LRRC4C: variants seen among roughly 807,000 people sequenced by gnomAD.
LRRC4C encodes the protein leucine-rich repeat-containing protein 4C.
A neutral mutation model predicts 33.6 loss-of-function variants in LRRC4C; 5 were observed. The ratio of observed to expected loss-of-function variants is 0.15; its 90% CI spans 0.08 to 0.31. LRRC4C has a LOEUF of 0.31. Ranked by LOEUF, LRRC4C falls within the 10% of genes least tolerant of loss-of-function variation. The probability of loss-of-function intolerance (pLI) is 1.00; values close to 1 mark genes in which losing one functional copy is unlikely to be tolerated. For synonymous variants in LRRC4C, 329 were observed against 302.0 expected (o/e 1.09, Z -0.93); for missense variants, 560 against 796.7 (o/e 0.70, Z 3.58).
At chr11:41,258,819 C>T (rs1174797018) in intron 1 of LRRC4C, among the ~76,000 whole-genome samples, 4 of 151,954 alleles carry the variant, frequency 2.6e-5, no homozygotes, top group African/African-American at 9.7e-5. Context: ...AATTAGGATG[C>T]CCTGATATTA....
Position 40,463,630 on chromosome 11 carries a change from G to C in LRRC4C, c.-269-143909C>G, listed in dbSNP as rs183752808. ...ATTTTGGCAATTCTTTTCAAGAATA[G>C]TCTTTCAAAATATTCTAACATATGC... On this transcript the variant is annotated intron_variant, in intron 3 of 6. Transcript: ENST00000528697. 1.2e-3 allele frequency among the ~76,000 whole-genome samples: 186 copies of C among 152,116 alleles called. 1 individual carries two copies. The highest frequency in any genetic ancestry group is 4.4e-3 in the African/African-American group (181 of 41,556).
At chr11:41,224,668 T>G (rs1191130914) in intron 1 of LRRC4C, among the ~76,000 whole-genome samples, 1 of 152,224 alleles carries the variant, frequency 6.6e-6, no homozygotes, top group East Asian at 1.9e-4. Flanking sequence ...GGAAATACTG[T>G]ATTCAATCTT....
intron 3 of LRRC4C, among the ~76,000 whole-genome samples, chr11:40,573,107 C>T (rs1958048818): frequency 6.6e-6 from 1 of 152,088 alleles, no homozygotes; most frequent in East Asian, 1.9e-4. Context: ...ATTGGAGATT[C>T]AGGAGAATAG....
rs529691573 is a variant in LRRC4C, at chr11:40,397,372, G to A, written c.-269-77651C>T. On this transcript the variant is annotated intron_variant, in intron 3 of 6. Transcript: ENST00000528697. ...GGCAGTCATCCTAGACATCAATTTT[G>A]AAGTTAAGTAAAAGCAAAGAAAGTG... 8.6e-4 allele frequency among the ~76,000 whole-genome samples: 131 copies of A among 152,064 alleles called. 1 individual carries two copies. Among genetic ancestry groups the A allele is most frequent in the Non-Finnish European group, 1.7e-3 (117 of 67,958 alleles).
At chr11:41,207,224 G>A (rs7122101) in intron 1 of LRRC4C, among the ~76,000 whole-genome samples, 16,532 of 152,004 alleles carry the variant, frequency 0.11, 994 homozygotes, top group East Asian at 0.19. Flanking sequence ...TTAAAAAGTT[G>A]ATATGCCCTG....
At chr11:40,257,711 C>T (rs534505611) in intron 4 of LRRC4C, among the ~76,000 whole-genome samples, 1 of 152,140 alleles carries the variant, frequency 6.6e-6, no homozygotes, top group Non-Finnish European at 1.5e-5. Context: ...GAGATAAACT[C>T]TTTTTACTTG....
Position 41,341,218 on chromosome 11 carries a change from T to G in LRRC4C, c.-496+118213A>C, listed in dbSNP as rs192057456. On this transcript the variant is annotated intron_variant, in intron 1 of 6. Transcript: ENST00000528697. ...CCAGAGAAAAAGACTGATAGCTCTC[T>G]TTAGTGAACTTAGAATGACCTAGTT... 1.9e-3 allele frequency among the ~76,000 whole-genome samples: 295 copies of G among 152,280 alleles called. 4 individuals are homozygous for G. Among genetic ancestry groups the G allele is most frequent in the Non-Finnish European group, 4.3e-4 (29 of 68,020 alleles).
chr11:41,035,366 T>G (rs1342155022), intron 1 of LRRC4C, among the ~76,000 whole-genome samples: 12 of 152,062 alleles, frequency 7.9e-5, no homozygotes, highest in Non-Finnish European at 1.6e-4. Context: ...CCTAATGCTC[T>G]CTCTCCCCCT....
chr11:41,057,772 G>T (rs1345743023), intron 1 of LRRC4C, among the ~76,000 whole-genome samples: 2 of 152,152 alleles, frequency 1.3e-5, no homozygotes, highest in Admixed American at 6.5e-5. Context: ...TCTCCTCTCT[G>T]CTGAGTGCTG....
chr11:41,152,273 G>A (rs1251147592), intron 1 of LRRC4C, among the ~76,000 whole-genome samples: 1 of 152,216 alleles, frequency 6.6e-6, no homozygotes, highest in African/African-American at 2.4e-5. Flanking sequence ...GATGCTCACA[G>A]AAGTAAGCTG....
At chr11:40,792,023 C>A (rs1389605675) in intron 2 of LRRC4C, among the ~76,000 whole-genome samples, 1 of 151,972 alleles carries the variant, frequency 6.6e-6, no homozygotes, top group South Asian at 2.1e-4. Flanking sequence ...TTTTACTCCA[C>A]CAAGCGCTCT....
intron 2 of LRRC4C, among the ~76,000 whole-genome samples, chr11:40,795,861 C>T (rs952781577): frequency 3.9e-5 from 6 of 152,092 alleles, no homozygotes; most frequent in African/African-American, 9.7e-5. Context: ...AGCCCTGTAA[C>T]GCTTTAAGAA....
chr11:41,371,988 T>C (rs567414554), intron 1 of LRRC4C, among the ~76,000 whole-genome samples: 7 of 152,100 alleles, frequency 4.6e-5, no homozygotes, highest in Non-Finnish European at 1.0e-4. Flanking sequence ...TACAAAGAAA[T>C]TAGCCAGGCG....
chr11:40,777,741 G>C (rs1416432232), intron 2 of LRRC4C, among the ~76,000 whole-genome samples: 1 of 151,508 alleles, frequency 6.6e-6, no homozygotes, highest in African/African-American at 2.4e-5. Flanking sequence ...AGGCTGGAGT[G>C]CAGTGGCATG....
chr11:41,025,811 G>A (rs1412611153), intron 1 of LRRC4C, among the ~76,000 whole-genome samples: 2 of 151,744 alleles, frequency 1.3e-5, no homozygotes, highest in African/African-American at 4.8e-5. Context: ...ACAATGTCTA[G>A]TTTCAAAGCT....
intron 1 of LRRC4C, among the ~76,000 whole-genome samples, chr11:40,987,622 T>G (rs1853109375): frequency 8.4e-6 from 1 of 119,554 alleles, no homozygotes; most frequent in South Asian, 3.1e-4. Flanking sequence ...CAGGTACAAG[T>G]GGGTAATGAT....
intron 3 of LRRC4C, among the ~76,000 whole-genome samples, chr11:40,345,279 C>T (rs1947072668): frequency 6.6e-6 from 1 of 152,238 alleles, no homozygotes; most frequent in East Asian, 1.9e-4. Flanking sequence ...GGAGGCATCA[C>T]ATTACCTGTC....
intron 1 of LRRC4C, among the ~76,000 whole-genome samples, chr11:41,113,791 T>G (rs971437788): frequency 7.9e-5 from 12 of 152,092 alleles, no homozygotes; most frequent in African/African-American, 2.7e-4. Context: ...CATGAGTTTT[T>G]TTTTTAACAT....
intron 3 of LRRC4C, among the ~76,000 whole-genome samples, chr11:40,621,611 T>A (rs1396370840): frequency 2.0e-5 from 3 of 151,930 alleles, no homozygotes; most frequent in African/African-American, 7.2e-5. Flanking sequence ...GAGGTAATGA[T>A]GACTTTATCT....
Sources: gnomAD v4.1 joint callset for allele counts (sites outside exome capture counted in the v4.1 genomes callset) on GRCh38, gnomAD v4.1.1 for gene constraint, MANE v1.5 for transcripts, NCBI Gene and HGNC (gene_info 2026-07-23, HGNC 2026-07-21) for gene names.